Variants in PTK2 observed in about 807,000 individuals in gnomAD.
PTK2 encodes the protein focal adhesion kinase 1.
Under a neutral mutation model 150.1 loss-of-function variants are expected in PTK2, and 45 were observed. The observed-to-expected ratio is 0.30, with a 90% CI of 0.24 to 0.38. The LOEUF (loss-of-function observed/expected upper bound fraction) is 0.38. Among genes scored for constraint, PTK2 ranks in the 10% least tolerant of loss-of-function variants. The pLI is 1.00. For missense variants in PTK2, 919 were observed against 1,307.3 expected, an observed-to-expected ratio of 0.70 and a Z score of 4.58; for synonymous variants, 432 against 449.2, an observed-to-expected ratio of 0.96 and a Z score of 0.48.
At chr8:140,820,267 A>G (rs1188648597) in intron 8 of PTK2, among the ~76,000 whole-genome samples, 1 of 150,670 alleles carries the variant, frequency 6.6e-6, no homozygotes, top group African/African-American at 2.4e-5. Context: ...CACCTGGCTA[A>G]TTTTTGTATA....
intron 22 of PTK2, among the ~76,000 whole-genome samples, chr8:140,726,167 T>C (rs1432532597): frequency 1.3e-5 from 2 of 151,538 alleles, no homozygotes; most frequent in African/African-American, 4.9e-5. Flanking sequence ...GGTAAGTCAG[T>C]AAAAATGATT....
At chr8:140,915,326 G>A (rs2100164820) in intron 2 of PTK2, among the ~76,000 whole-genome samples, 1 of 152,088 alleles carries the variant, frequency 6.6e-6, no homozygotes, top group South Asian at 2.1e-4. Flanking sequence ...ACTTTGTGAG[G>A]CCAAGGTGGG....
intron 17 of PTK2, among the ~76,000 whole-genome samples, chr8:140,749,120 C>G (rs1171616520): frequency 2.3e-4 from 35 of 151,960 alleles, no homozygotes; most frequent in Non-Finnish European, 3.4e-4. Flanking sequence ...ACAAGTTTTC[C>G]CTCATATTCC....
chr8:140,672,474 A>G (rs1337002247), intron 29 of PTK2, among the ~76,000 whole-genome samples: 1 of 152,190 alleles, frequency 6.6e-6, no homozygotes, highest in African/African-American at 2.4e-5. Context: ...GAACTGAGGA[A>G]GTTCCTGATT....
At chr8:140,888,218 T>TAC (rs1448760520) in intron 3 of PTK2, among the ~76,000 whole-genome samples, 1 of 152,224 alleles carries the variant, frequency 6.6e-6, no homozygotes, top group East Asian at 1.9e-4. Flanking sequence ...CTTTGTCTGA[T>TAC]ACCTCTTATG....
At chr8:140,919,115 C>A (rs779199672) in intron 2 of PTK2, among the ~76,000 whole-genome samples, 1 of 152,144 alleles carries the variant, frequency 6.6e-6, no homozygotes, top group Non-Finnish European at 1.5e-5. Context: ...TTTGTCAGAA[C>A]CTCCTCTGAA....
rs7843014 is a variant in PTK2, at chr8:140,780,382, A to C, written c.1177+9092T>G. 0.58 allele frequency among the ~76,000 whole-genome samples: 88,729 copies of C among 151,946 alleles called. 27,569 individuals carry two copies. Among genetic ancestry groups the C allele is most frequent in the African/African-American group, 0.79 (32,877 of 41,444 alleles). ...AGAACAACCAGATGTACATCACCTA[A>C]GAAGTATTCTTGTTGTGGGGAGGGG... On this transcript the variant is annotated intron_variant, in intron 14 of 31. Coordinates refer to ENST00000522684, the Ensembl canonical transcript of PTK2.
chr8:140,891,924 G>C (rs1702856828), intron 2 of PTK2, among the ~76,000 whole-genome samples: 1 of 152,186 alleles, frequency 6.6e-6, no homozygotes, highest in African/African-American at 2.4e-5. Flanking sequence ...CATCGTGGCA[G>C]GCCAGGTATG....
intron 24 of PTK2, among the ~76,000 whole-genome samples, chr8:140,705,174 T>A (rs576310223): frequency 2.0e-5 from 3 of 152,180 alleles, no homozygotes; most frequent in Non-Finnish European, 4.4e-5. Flanking sequence ...TCTTTTCCAA[T>A]AAGAAAGTGC....
At chr8:140,813,599 G>A (rs1286286292) in intron 10 of PTK2, among the ~76,000 whole-genome samples, 1 of 152,146 alleles carries the variant, frequency 6.6e-6, no homozygotes, top group Non-Finnish European at 1.5e-5. Flanking sequence ...TGAAATGAAT[G>A]AGAACCAAGA....
At chr8:140,998,884 C>G (rs1359314883) in intron 1 of PTK2, among the ~76,000 whole-genome samples, 2 of 151,558 alleles carry the variant, frequency 1.3e-5, no homozygotes, top group Admixed American at 6.6e-5. Context: ...GAACAGTTAT[C>G]TGACTAGCTG....
intron 1 of PTK2, among the ~76,000 whole-genome samples, chr8:140,937,028 C>G (rs772349991): frequency 1.3e-5 from 2 of 151,988 alleles, no homozygotes; most frequent in African/African-American, 2.4e-5. Flanking sequence ...AGCTAAACAT[C>G]AAAAACAGAT....
At chr8:140,751,813 G>GT (rs1436086027) in intron 17 of PTK2, 1 of 432,140 alleles carries the variant, frequency 2.3e-6, no homozygotes, top group Non-Finnish European at 4.6e-6. Flanking sequence ...TTCTGATTTT[G>GT]TAGCAGGACA....
chr8:140,799,588 T>G (rs1344906136), intron 12 of PTK2, among the ~76,000 whole-genome samples: 3 of 152,162 alleles, frequency 2.0e-5, no homozygotes, highest in Non-Finnish European at 4.4e-5. Context: ...TCTAGGCTGA[T>G]ACAGTGTCAA....
At chr8:140,998,922 G>GT (rs1175817139) in intron 1 of PTK2, among the ~76,000 whole-genome samples, 3 of 152,124 alleles carry the variant, frequency 2.0e-5, no homozygotes, top group Non-Finnish European at 4.4e-5. Flanking sequence ...GACTGAGGGA[G>GT]TAAGTTATGT....
intron 5 of PTK2, among the ~76,000 whole-genome samples, chr8:140,849,761 G>A (rs1022801515): frequency 2.0e-5 from 3 of 152,160 alleles, no homozygotes; most frequent in Non-Finnish European, 4.4e-5. Flanking sequence ...AATTCTTCAA[G>A]GTAGAGTTTA....
At chr8:140,931,929 A>C (rs1474863254) in intron 1 of PTK2, among the ~76,000 whole-genome samples, 2 of 59,800 alleles carry the variant, frequency 3.3e-5, no homozygotes, top group East Asian at 3.2e-4. Context: ...ACCCAGTCTC[A>C]AAAAAAAAAA....
intron 7 of PTK2, among the ~76,000 whole-genome samples, chr8:140,842,477 A>G (rs2100122925): frequency 6.6e-6 from 1 of 152,084 alleles, no homozygotes; most frequent in African/African-American, 2.4e-5. Context: ...CTTGACATAA[A>G]TTATCTCATC....
intron 16 of PTK2, among the ~76,000 whole-genome samples, chr8:140,759,545 A>AAAAG (rs1554920012): frequency 3.3e-5 from 5 of 149,560 alleles, no homozygotes; most frequent in African/African-American, 1.3e-4. Context: ...AAAAAAAAAA[A>AAAAG]AAAAAAAAAG....
Sources: allele counts gnomAD v4.1 joint callset (sites outside exome capture counted in the v4.1 genomes callset), GRCh38; gene constraint gnomAD v4.1.1; transcripts MANE v1.5; gene names NCBI Gene and HGNC (gene_info 2026-07-23, HGNC 2026-07-21).